EIF4E: variants seen among roughly 807,000 people sequenced by gnomAD.
EIF4E encodes eukaryotic translation initiation factor 4E.
For missense variants in EIF4E, 113 were observed against 265.6 expected (o/e 0.43, Z 3.99); for synonymous variants, 71 against 88.5 (o/e 0.80, Z 1.11).
At chr4:98,911,763 C>T (rs2110210548) in intron 1 of EIF4E, among the ~76,000 whole-genome samples, 2 of 150,564 alleles carry the variant, frequency 1.3e-5, no homozygotes, top group South Asian at 4.2e-4. Context: ...CTAACATGTA[C>T]CTACTGATCA....
rs755555646 is a variant in EIF4E, at chr4:98,887,225, C to G, written c.286-33G>C. ...GTTAGAAGACAACAGTATTACACAA[C>G]ATTGTTACCTTGACTTTGAGAGATA... On this transcript the variant is annotated intron_variant, in intron 4 of 6. Coordinates refer to ENST00000450253, the MANE Select transcript of EIF4E (RefSeq NM_001968.5). The surrounding 1 kb of genome is among the most constrained non-coding windows in gnomAD (Gnocchi z 4.0). 5 of 1,593,016 alleles carry G rather than the reference C, an allele frequency of 3.1e-6. No homozygotes were observed. In the South Asian group the frequency reaches 5.5e-5, roughly 18 times the overall value.
Position 98,929,016 on chromosome 4 carries a change from C to T in EIF4E, c.18+79G>A. 3 of 1,565,514 alleles carry T rather than the reference C, an allele frequency of 1.9e-6. No individual in the cohort carries two copies. In the African/African-American group the frequency reaches 4.1e-5, roughly 21 times the overall value. On this transcript the variant is annotated intron_variant, in intron 1 of 6. Coordinates refer to ENST00000450253, the MANE Select transcript of EIF4E (RefSeq NM_001968.5). ...AGGGGTACAGTGCGCGCCGGGAACG[C>T]CGTCCCGCGGAGTCCCCCAGTCAGA...
At chr4:98,923,430 T>A (rs763404281) in intron 1 of EIF4E, among the ~76,000 whole-genome samples, 5 of 152,060 alleles carry the variant, frequency 3.3e-5, no homozygotes, top group Admixed American at 6.6e-5. Flanking sequence ...ATCCTCCCAT[T>A]TCAGCCTCCT....
At chr4:98,917,553 A>C (rs923970062) in intron 1 of EIF4E, among the ~76,000 whole-genome samples, 2 of 152,148 alleles carry the variant, frequency 1.3e-5, no homozygotes, top group African/African-American at 4.8e-5. Flanking sequence ...TCTTTCCCTT[A>C]AACATCTAGC....
intron 1 of EIF4E, among the ~76,000 whole-genome samples, chr4:98,911,416 T>C (rs551869384): frequency 6.8e-6 from 1 of 146,896 alleles, no homozygotes; most frequent in East Asian, 2.1e-4. Flanking sequence ...TCCCAGCACT[T>C]TGGGAGGCCG....
At chr4:98,909,752 T>C (rs1462805989) in intron 1 of EIF4E, 10 of 705,306 alleles carry the variant, frequency 1.4e-5, no homozygotes, top group African/African-American at 1.4e-4. Context: ...ATTTTTTTTC[T>C]TTCCTTCTTG....
chr4:98,892,219 G>T (rs1456972295), intron 2 of EIF4E, among the ~76,000 whole-genome samples: 2 of 151,166 alleles, frequency 1.3e-5, no homozygotes, highest in African/African-American at 2.4e-5. Context: ...GGTGGTGCAT[G>T]CCTGTATTCC....
intron 2 of EIF4E, among the ~76,000 whole-genome samples, chr4:98,893,052 GGA>G (rs1185186536): frequency 6.6e-6 from 1 of 152,094 alleles, no homozygotes; most frequent in Non-Finnish European, 1.5e-5. Context: ...CTATCTTTAA[GGA>G]GAGTCACACA....
chr4:98,898,935 C>G (rs954590894), intron 2 of EIF4E, among the ~76,000 whole-genome samples: 2 of 150,936 alleles, frequency 1.3e-5, no homozygotes, highest in Admixed American at 1.3e-4. Flanking sequence ...TACTATGCAA[C>G]TATTAAAAAG....
intron 1 of EIF4E, among the ~76,000 whole-genome samples, chr4:98,911,287 A>T (rs1170373406): frequency 6.6e-6 from 1 of 150,966 alleles, no homozygotes; most frequent in Non-Finnish European, 1.5e-5. Context: ...TGACCTCGTG[A>T]TTCACCCGCC....
At chr4:98,928,868 C>T in intron 1 of EIF4E, 10 of 1,543,906 alleles carry the variant, frequency 6.5e-6, no homozygotes, top group Non-Finnish European at 7.9e-6. Context: ...CTCCCCCACA[C>T]CGCTCCCCCA....
intron 2 of EIF4E, among the ~76,000 whole-genome samples, chr4:98,896,501 A>C (rs1724403335): frequency 2.0e-5 from 3 of 148,614 alleles, no homozygotes; most frequent in Non-Finnish European, 3.0e-5. Context: ...AAAAAAAAAA[A>C]AAAAAAAAAC....
rs1245711655 is a variant in EIF4E at position 98,887,573 on chromosome 4, T to TTC, written c.285+314_285+315dup. ...AACTGACAAAGCCCAATAATAAGTA[T>TTC]TCCAAGGACCCATGCTCCTAAGGTT... On this transcript the variant is annotated intron_variant, in intron 4 of 6. Transcript: ENST00000450253. The surrounding 1 kb of genome is among the most constrained non-coding windows in gnomAD (Gnocchi z 4.0). Among the ~76,000 whole-genome samples, 1 of 152,170 alleles carries TTC rather than the reference T, an allele frequency of 6.6e-6. No homozygotes were observed. Among genetic ancestry groups the TTC allele is most frequent in the Non-Finnish European group, 1.5e-5 (1 of 68,018 alleles).
At chr4:98,891,843 T>C (rs946422836) in intron 2 of EIF4E, among the ~76,000 whole-genome samples, 1 of 152,218 alleles carries the variant, frequency 6.6e-6, no homozygotes, top group African/African-American at 2.4e-5. Flanking sequence ...TGCTAGTTGT[T>C]ATTACAGTGG....
chr4:98,899,513 G>A (rs1031468742), intron 2 of EIF4E, among the ~76,000 whole-genome samples: 18 of 152,116 alleles, frequency 1.2e-4, no homozygotes, highest in Non-Finnish European at 7.4e-5. Flanking sequence ...CAGTATCTGC[G>A]CAAAGGTTGT....
At chr4:98,926,725 C>T (rs6834230) in intron 1 of EIF4E, among the ~76,000 whole-genome samples, 10,291 of 152,188 alleles carry the variant, frequency 0.068, 1,138 homozygotes, top group African/African-American at 0.23. Context: ...TATCACTAAC[C>T]ACATCCCTAG....
intron 6 of EIF4E, among the ~76,000 whole-genome samples, 178 bp downstream of exon 6, chr4:98,884,744 C>T (rs1446222027): frequency 6.6e-6 from 1 of 151,484 alleles, no homozygotes; most frequent in Non-Finnish European, 1.5e-5. Flanking sequence ...TGAAAAAACC[C>T]AAAAAAACAA....
At chr4:98,924,433 C>T (rs1021206867) in intron 1 of EIF4E, among the ~76,000 whole-genome samples, 1 of 152,018 alleles carries the variant, frequency 6.6e-6, no homozygotes, top group African/African-American at 2.4e-5. Flanking sequence ...TTTTTGCCTA[C>T]AGTTTTCTGT....
chr4:98,913,649 T>C (rs1725247435), intron 1 of EIF4E, among the ~76,000 whole-genome samples: 1 of 152,176 alleles, frequency 6.6e-6, no homozygotes, highest in South Asian at 2.1e-4. Context: ...AAAGAAAATA[T>C]TTTGAAGAAA....
Sources: allele counts gnomAD v4.1 joint callset (sites outside exome capture counted in the v4.1 genomes callset), GRCh38; gene constraint gnomAD v4.1.1; non-coding constraint Gnocchi (gnomAD v3.1); transcripts MANE v1.5; gene names NCBI Gene and HGNC (gene_info 2026-07-23, HGNC 2026-07-21).